Variants in GNG12 observed in about 807,000 individuals in gnomAD.
GNG12 encodes G protein subunit gamma 12, also known as guanine nucleotide-binding protein G(I)/G(S)/G(O) subunit gamma-12.
For synonymous variants in GNG12, 28 were observed against 29.7 expected, an observed-to-expected ratio of 0.94 and a Z score of 0.19; for missense variants, 69 against 83.8, an observed-to-expected ratio of 0.82 and a Z score of 0.69.
chr1:67,769,277 C>T lies in GNG12; in HGVS notation c.-27+8181G>A, dbSNP rs146975364. Among the ~76,000 whole-genome samples, 7 of 152,256 alleles carry T rather than the reference C, an allele frequency of 4.6e-5. No homozygotes were observed. In the East Asian group the frequency reaches 1.2e-3, roughly 25 times the overall value. ...AGCGAGTGACCTAATTGTTACAGGA[C>T]CCAACATCACAGTGGTCCAACCACA... On this transcript the variant is annotated intron_variant, in intron 2 of 3. Coordinates refer to ENST00000370982, the MANE Select transcript of GNG12 (RefSeq NM_018841.6).
chr1:67,716,022 T>G (rs922055019), intron 2 of GNG12, among the ~76,000 whole-genome samples: 1 of 152,174 alleles, frequency 6.6e-6, no homozygotes, highest in African/African-American at 2.4e-5. Context: ...CTGCAAGTGC[T>G]GCCCTGGTCT....
At position 67,733,453 on chromosome 1, in the gene GNG12, G is replaced by A. The variant is rs534568307; in HGVS notation, c.-26-25741C>T. On this transcript the variant is annotated intron_variant, in intron 2 of 3. Transcript: ENST00000370982. ...ATATACACGTGCACGTATATGATGT[G>A]CATGCATCTTTTAAACAAATGGAAT... is the stretch of plus-strand genomic sequence containing the variant. Among the ~76,000 whole-genome samples, 4 of 152,148 alleles carry A rather than the reference G, an allele frequency of 2.6e-5. No individual in the cohort carries two copies. The East Asian group carries it at 7.7e-4, about 29-fold the overall frequency.
intron 1 of GNG12, among the ~76,000 whole-genome samples, chr1:67,825,718 A>G (rs1647007233): frequency 6.6e-6 from 1 of 152,210 alleles, no homozygotes; most frequent in Admixed American, 6.5e-5. Flanking sequence ...TCCCCAAGGA[A>G]AAAGGCCTAC....
chr1:67,783,079 G>A (rs781557877), intron 1 of GNG12, among the ~76,000 whole-genome samples: 7 of 152,098 alleles, frequency 4.6e-5, no homozygotes, highest in Non-Finnish European at 8.8e-5. Flanking sequence ...TATACTTGCT[G>A]TAAGGATAAA....
rs1646218665 is a variant in GNG12 at position 67,702,060 on chromosome 1, C to T, written c.*3391G>A. ...ATAGAGGCCCAGAGAGATGAAGCGC[C>T]TTGTCCAAGGTCACACAGCACAGGA... On this transcript the variant is annotated 3_prime_UTR_variant, in exon 4 of 4. Transcript: ENST00000370982. 1 of 152,828 alleles carries T rather than the reference C, an allele frequency of 6.5e-6. No homozygotes were observed. The highest frequency in any genetic ancestry group is 2.4e-5 in the African/African-American group (1 of 41,460). The allele number at this position is 152,828 out of a possible 1,614,324, so 9.5% of individuals were successfully genotyped here.
chr1:67,708,811 T>A (rs527839817), intron 2 of GNG12, among the ~76,000 whole-genome samples: 1 of 152,246 alleles, frequency 6.6e-6, no homozygotes, highest in East Asian at 1.9e-4. Flanking sequence ...CGGCGCTATG[T>A]GAGGGCTCAG....
At chr1:67,778,379 C>T (rs1646718396) in intron 1 of GNG12, among the ~76,000 whole-genome samples, 1 of 152,114 alleles carries the variant, frequency 6.6e-6, no homozygotes, top group African/African-American at 2.4e-5. Flanking sequence ...CTAGACAGCA[C>T]AGGTCTAGGG....
At chr1:67,750,691 C>CA (rs1371096827) in intron 2 of GNG12, among the ~76,000 whole-genome samples, 2 of 152,134 alleles carry the variant, frequency 1.3e-5, no homozygotes, top group African/African-American at 4.8e-5. Context: ...CCCATAGAAA[C>CA]AGTGTTATAA....
intron 2 of GNG12, among the ~76,000 whole-genome samples, chr1:67,739,195 C>T (rs1435754067): frequency 6.6e-6 from 1 of 151,960 alleles, no homozygotes; most frequent in Non-Finnish European, 1.5e-5. Context: ...CAAACAAAAA[C>T]AAAAAAACCC....
Position 67,769,872 on chromosome 1 carries a change from G to A in GNG12, c.-27+7586C>T, listed in dbSNP as rs183798254. ...CTCTCTCTCCTGAGATCCCATTAGA[G>A]AGAAAGAACGTCACAGGAAGCTAGG... is the stretch of plus-strand genomic sequence containing the variant. On this transcript the variant is annotated intron_variant, in intron 2 of 3. Transcript: ENST00000370982. Among the ~76,000 whole-genome samples the A allele has an allele frequency of 1.2e-3, 177 of 152,242 alleles. 2 individuals are homozygous for A. The highest frequency in any genetic ancestry group is 4.1e-3 in the African/African-American group (171 of 41,544).
chr1:67,718,996 C>A (rs574389289), intron 2 of GNG12, among the ~76,000 whole-genome samples: 2 of 152,182 alleles, frequency 1.3e-5, no homozygotes, highest in Non-Finnish European at 2.9e-5. Context: ...ATTTTACAAA[C>A]GAAGAAACTG....
At chr1:67,737,442 T>C (rs1646458380) in intron 2 of GNG12, among the ~76,000 whole-genome samples, 1 of 152,182 alleles carries the variant, frequency 6.6e-6, no homozygotes, top group Non-Finnish European at 1.5e-5. Flanking sequence ...AGAAGAGCTC[T>C]GGGCCCAGGG....
chr1:67,825,552 T>C (rs907765757), intron 1 of GNG12, among the ~76,000 whole-genome samples: 1 of 152,148 alleles, frequency 6.6e-6, no homozygotes, highest in Non-Finnish European at 1.5e-5. Context: ...TACCAGTTGG[T>C]ACTAAGGGGA....
Position 67,704,353 on chromosome 1 carries a change from C to T in GNG12, c.*1098G>A, listed in dbSNP as rs1388217124. On this transcript the variant is annotated 3_prime_UTR_variant, in exon 4 of 4. Transcript: ENST00000370982. ...AATTTTTTTTTTCCTCACCGTATTC[C>T]ACATACCTGTGGCTGGGGAAGGTAA... The T allele has an allele frequency of 6.6e-6, 1 of 151,950 alleles. No individual in the cohort carries two copies. The highest frequency in any genetic ancestry group is 2.4e-5 in the African/African-American group (1 of 41,316). 9.4% of individuals were successfully genotyped at this position (151,950 alleles called of 1,614,324 possible). A position where few individuals can be genotyped will look rare whatever the true frequency, so the allele number is the denominator to read the frequency against.
chr1:67,781,637 G>T (rs1286958194), intron 1 of GNG12, among the ~76,000 whole-genome samples: 1 of 152,104 alleles, frequency 6.6e-6, no homozygotes, highest in Non-Finnish European at 1.5e-5. Context: ...TATTGAAGAG[G>T]CAATAGTGAA....
intron 3 of GNG12, among the ~76,000 whole-genome samples, chr1:67,706,430 C>A (rs986119629): frequency 2.0e-5 from 3 of 152,130 alleles, no homozygotes; most frequent in African/African-American, 7.2e-5. Flanking sequence ...AGAGGCAGTA[C>A]CTTACTCCCG....
At chr1:67,752,923 C>G (rs555299827) in intron 2 of GNG12, among the ~76,000 whole-genome samples, 1 of 152,160 alleles carries the variant, frequency 6.6e-6, no homozygotes, top group Admixed American at 6.5e-5. Context: ...AAAGGTGGCT[C>G]GAATCTGACC....
intron 1 of GNG12, among the ~76,000 whole-genome samples, chr1:67,819,691 C>T (rs1426769109): frequency 2.0e-5 from 3 of 152,208 alleles, no homozygotes; most frequent in African/African-American, 7.2e-5. Flanking sequence ...CTGTCTACTT[C>T]TCCAAACTTA....
chr1:67,815,828 G>A (rs972948259), intron 1 of GNG12, among the ~76,000 whole-genome samples: 2 of 151,968 alleles, frequency 1.3e-5, no homozygotes, highest in East Asian at 3.9e-4. Context: ...ACTCCTCAGC[G>A]GCCAAATCCC....
Sources: gnomAD v4.1 joint callset for allele counts (sites outside exome capture counted in the v4.1 genomes callset) on GRCh38, gnomAD v4.1.1 for gene constraint, MANE v1.5 for transcripts, NCBI Gene and HGNC (gene_info 2026-07-23, HGNC 2026-07-21) for gene names.